The following RPS24 variants were observed in gnomAD, a reference collection of about 807,000 sequenced individuals.
RPS24 encodes the protein ribosomal protein S24, also known as small ribosomal subunit protein eS24.
For missense variants in RPS24, 100 were observed against 162.5 expected (o/e 0.62, Z 2.09); for synonymous variants, 72 against 55.6 (o/e 1.30, Z -1.31).
chr10:78,046,983 G>GT (rs1017380436), intron 4 of RPS24, among the ~76,000 whole-genome samples: 2,703 of 145,896 alleles, frequency 0.019, 86 homozygotes, highest in African/African-American at 0.063. Context: ...CAGGTAACCT[G>GT]TTTTTTTTTT....
At chr10:78,042,540 T>C (rs1254075574), downstream of RPS24, among the ~76,000 whole-genome samples, 1 of 152,214 alleles carries the variant, frequency 6.6e-6, no homozygotes, top group Non-Finnish European at 1.5e-5. Flanking sequence ...ATTCAGCACA[T>C]TGTAGGCCCT....
At chr10:78,035,779 T>G (rs1847853001) in intron 3 of RPS24, 59 bp downstream of exon 3, 2 of 1,381,604 alleles carry the variant, frequency 1.4e-6, no homozygotes, top group African/African-American at 2.8e-5. Flanking sequence ...AATAGCGTTG[T>G]GTTGTGAGTG....
chr10:78,056,238 G>T (rs1322436954), exon 5 of RPS24: 2 of 152,200 alleles, frequency 1.3e-5, no homozygotes, highest in Non-Finnish European at 2.9e-5. Flanking sequence ...GGTGAATAAG[G>T]GTCAGAAGAT....
intron 4 of RPS24, among the ~76,000 whole-genome samples, chr10:78,053,082 G>A (rs543906077): frequency 1.3e-5 from 2 of 151,896 alleles, no homozygotes; most frequent in Non-Finnish European, 2.9e-5. Context: ...GAACCTGGGA[G>A]GTGGAGGTTA....
At chr10:78,037,032 A>C (rs1056116257) in intron 3 of RPS24, among the ~76,000 whole-genome samples, 162 bp from the exon 4 acceptor site, 1 of 152,186 alleles carries the variant, frequency 6.6e-6, no homozygotes, top group Non-Finnish European at 1.5e-5. Flanking sequence ...TCCCTTGATG[A>C]TCCTTTCTGT....
intron 3 of RPS24, 159 bp downstream of exon 3, chr10:78,035,879 C>A: frequency 2.9e-6 from 2 of 682,974 alleles, no homozygotes; most frequent in South Asian, 1.7e-5. Context: ...AGGTGGAGTA[C>A]GGGGGTTCAA....
chr10:78,039,867 A>T (rs1847954803), intron 4 of RPS24: 1 of 398,338 alleles, frequency 2.5e-6, no homozygotes, highest in African/African-American at 2.1e-5. Flanking sequence ...TGGGCAGAGC[A>T]GAGGGGCAGA....
intron 1 of RPS24, 65 bp from the exon 2 acceptor site, chr10:78,035,287 G>A (rs1847838451): frequency 1.3e-6 from 2 of 1,502,092 alleles, no homozygotes; most frequent in African/African-American, 1.4e-5. Context: ...CTAGGTCTTG[G>A]AAAATCACAG....
chr10:78,036,789 C>G (rs1361138388), intron 3 of RPS24, among the ~76,000 whole-genome samples: 2 of 152,100 alleles, frequency 1.3e-5, no homozygotes, highest in Non-Finnish European at 2.9e-5. Context: ...TCCGGAATCT[C>G]CATGATGTGG....
chr10:78,044,183 A>G (rs1848018046), downstream of RPS24, among the ~76,000 whole-genome samples: 1 of 152,144 alleles, frequency 6.6e-6, no homozygotes, highest in Non-Finnish European at 1.5e-5. Context: ...CCCCATGGAT[A>G]AGGGAGGATT....
chr10:78,039,695 C>T (rs548075768), intron 4 of RPS24: 1 of 165,098 alleles, frequency 6.1e-6, no homozygotes, highest in African/African-American at 2.4e-5. Context: ...TAAATACTAA[C>T]TTGTACTACT....
chr10:78,048,567 A>G (rs560866208), intron 4 of RPS24, among the ~76,000 whole-genome samples: 1 of 152,280 alleles, frequency 6.6e-6, no homozygotes, highest in East Asian at 1.9e-4. Flanking sequence ...CGATGATGAT[A>G]TTCAGAGAGT....
intron 4 of RPS24, chr10:78,039,741 G>C (rs1378531356): frequency 1.7e-5 from 3 of 177,848 alleles, no homozygotes; most frequent in African/African-American, 7.1e-5. Context: ...ATTGAACTGA[G>C]GCAGCTTTTA....
chr10:78,048,315 C>G (rs1454159760), intron 4 of RPS24, among the ~76,000 whole-genome samples: 2 of 152,104 alleles, frequency 1.3e-5, no homozygotes, highest in African/African-American at 4.8e-5. Context: ...ACCATGTTCT[C>G]TTTTCTGCTG....
chr10:78,035,842 G>C (rs114145468), intron 3 of RPS24, 122 bp downstream of exon 3: 12 of 854,204 alleles, frequency 1.4e-5, no homozygotes, highest in Non-Finnish European at 2.4e-5. Flanking sequence ...AAAGGATTAA[G>C]AGAAAAAGTT....
intron 4 of RPS24, chr10:78,039,751 AAAAG>A (rs1432054787): frequency 1.2e-4 from 22 of 177,866 alleles, no homozygotes; most frequent in African/African-American, 4.7e-4. Flanking sequence ...GGCAGCTTTT[AAAAG>A]ACTTGCCTGA....
chr10:78,044,101 A>G (rs117358104), downstream of RPS24, among the ~76,000 whole-genome samples: 117 of 152,302 alleles, frequency 7.7e-4, no homozygotes, highest in East Asian at 0.015. Context: ...TTAATTATGT[A>G]TATATAGCAA....
intron 4 of RPS24, among the ~76,000 whole-genome samples, chr10:78,047,100 T>C (rs536217338): frequency 1.1e-3 from 168 of 151,406 alleles, no homozygotes; most frequent in African/African-American, 3.9e-3. Flanking sequence ...GGACTACTGG[T>C]GCCTGCCACC....
At chr10:78,049,416 T>G (rs111329927) in intron 4 of RPS24, among the ~76,000 whole-genome samples, 3,489 of 152,286 alleles carry the variant, frequency 0.023, 135 homozygotes, top group African/African-American at 0.078. Flanking sequence ...GGAGGCCTTC[T>G]GCTGCAAGTC....
Sources: gnomAD v4.1 joint callset for allele counts (sites outside exome capture counted in the v4.1 genomes callset) on GRCh38, gnomAD v4.1.1 for gene constraint, MANE v1.5 for transcripts, NCBI Gene and HGNC (gene_info 2026-07-23, HGNC 2026-07-21) for gene names.